The following ELOVL6 variants were observed in gnomAD, a reference collection of about 807,000 sequenced individuals.
ELOVL6 encodes the protein very long chain fatty acid elongase 6.
ELOVL6 carries 8 observed loss-of-function variants against 31.7 expected under a neutral mutation model. The observed-to-expected ratio is 0.25, with a 90% confidence interval of 0.15 to 0.45. ELOVL6 has a LOEUF of 0.45. ELOVL6 is among the 20% of genes least tolerant of loss of function. The pLI is 1.00. For missense variants in ELOVL6, 126 were observed against 326.4 expected, an observed-to-expected ratio of 0.39 and a Z score of 4.73; for synonymous variants, 101 against 117.7, an observed-to-expected ratio of 0.86 and a Z score of 0.92.
chr4:110,188,188 G>C (rs769850476), intron 1 of ELOVL6, among the ~76,000 whole-genome samples: 2 of 152,170 alleles, frequency 1.3e-5, no homozygotes, highest in Non-Finnish European at 2.9e-5. Flanking sequence ...CTAGAACCAA[G>C]CTGAGTGCAA....
At chr4:110,160,113 A>AACAC (rs59669268) in intron 1 of ELOVL6, among the ~76,000 whole-genome samples, 3 of 149,314 alleles carry the variant, frequency 2.0e-5, no homozygotes, top group East Asian at 2.0e-4. Flanking sequence ...CACACACACA[A>AACAC]ACACACACAC....
At chr4:110,105,065 T>C (rs1478167414) in intron 2 of ELOVL6, among the ~76,000 whole-genome samples, 1 of 152,176 alleles carries the variant, frequency 6.6e-6, no homozygotes, top group Non-Finnish European at 1.5e-5. Flanking sequence ...ATGTCCAGTG[T>C]CTGGTCTATG....
intron 1 of ELOVL6, among the ~76,000 whole-genome samples, chr4:110,190,905 C>T (rs1186770650): frequency 3.9e-5 from 6 of 151,964 alleles, no homozygotes; most frequent in Non-Finnish European, 8.8e-5. Flanking sequence ...CTGCAACCTC[C>T]GCCTCCAGGT....
At chr4:110,052,572 G>A (rs1356189577) in intron 3 of ELOVL6, among the ~76,000 whole-genome samples, 1 of 152,136 alleles carries the variant, frequency 6.6e-6, no homozygotes, top group Non-Finnish European at 1.5e-5. Flanking sequence ...CCCTTTGAAG[G>A]AAAAGACCAT....
At chr4:110,078,755 T>A (rs1379995340) in intron 2 of ELOVL6, among the ~76,000 whole-genome samples, 1 of 152,200 alleles carries the variant, frequency 6.6e-6, no homozygotes, top group African/African-American at 2.4e-5. Context: ...ACCTTAAATG[T>A]AAATGGGCTA....
rs1395170418 is a variant in ELOVL6 at position 110,084,134 on chromosome 4, A to G, written c.221+21363T>C. Among the ~76,000 whole-genome samples, 9 of 45,954 alleles carry G rather than the reference A, an allele frequency of 2.0e-4. 1 individual carries two copies. In the East Asian group the frequency reaches 4.8e-3, roughly 25 times the overall value. 30.1% of individuals were successfully genotyped at this position (45,954 alleles called of 152,430 possible). On this transcript the variant is annotated intron_variant, in intron 2 of 3. Transcript: ENST00000302274. ...ATGATATATATAACATATATGTGAT[A>G]ATGATATATATGATATATATAACAT... is the stretch of plus-strand genomic sequence containing the variant.
chr4:110,179,205 G>C lies in ELOVL6; in HGVS notation c.89+19042C>G, dbSNP rs147441919. On this transcript the variant is annotated intron_variant, in intron 1 of 3. Transcript: ENST00000302274. ...ATAAAATACATGTATGTAAACTTCA[G>C]AAAATAGGGCAAAAATAGGCCAGGT... Among the ~76,000 whole-genome samples the C allele has an allele frequency of 2.0e-3, 303 of 152,160 alleles. 2 individuals are homozygous for C. Among genetic ancestry groups the C allele is most frequent in the African/African-American group, 6.8e-3 (283 of 41,528 alleles).
At chr4:110,135,612 C>G (rs1264231572) in intron 1 of ELOVL6, among the ~76,000 whole-genome samples, 1 of 152,204 alleles carries the variant, frequency 6.6e-6, no homozygotes, top group Non-Finnish European at 1.5e-5. Context: ...CAGGTAAAGA[C>G]CTTAGTGGGT....
intron 2 of ELOVL6, among the ~76,000 whole-genome samples, chr4:110,090,924 T>C (rs968718568): frequency 1.3e-5 from 2 of 152,212 alleles, no homozygotes; most frequent in African/African-American, 4.8e-5. Flanking sequence ...TTTCATACTT[T>C]AGAAATTCAG....
intron 1 of ELOVL6, among the ~76,000 whole-genome samples, chr4:110,156,055 C>T (rs1262118062): frequency 6.6e-6 from 1 of 152,150 alleles, no homozygotes; most frequent in African/African-American, 2.4e-5. Context: ...GCTTTCCTTT[C>T]TTTAAATACC....
At chr4:110,108,384 A>T (rs1396927288) in intron 1 of ELOVL6, among the ~76,000 whole-genome samples, 1 of 152,180 alleles carries the variant, frequency 6.6e-6, no homozygotes, top group African/African-American at 2.4e-5. Context: ...GAACCAAGAA[A>T]AGAACAAAAA....
chr4:110,084,505 A>G (rs1756157003), intron 2 of ELOVL6, among the ~76,000 whole-genome samples: 1 of 70,446 alleles, frequency 1.4e-5, no homozygotes, highest in Admixed American at 1.6e-4. Flanking sequence ...CATATATATC[A>G]TATATGTGTA....
chr4:110,169,868 G>A (rs1243678768), intron 1 of ELOVL6, among the ~76,000 whole-genome samples: 3 of 146,676 alleles, frequency 2.0e-5, no homozygotes, highest in African/African-American at 7.6e-5. Flanking sequence ...GCAATGGTGC[G>A]ATCTCAGCTC....
chr4:110,153,319 A>G (rs1758332423), intron 1 of ELOVL6, among the ~76,000 whole-genome samples: 2 of 152,192 alleles, frequency 1.3e-5, no homozygotes, highest in Non-Finnish European at 2.9e-5. Flanking sequence ...ACATAATTTA[A>G]TTTTTTGCTC....
At chr4:110,143,944 C>T (rs1248712001) in intron 1 of ELOVL6, among the ~76,000 whole-genome samples, 2 of 151,032 alleles carry the variant, frequency 1.3e-5, no homozygotes, top group African/African-American at 4.9e-5. Flanking sequence ...ATCCCAGCTA[C>T]TCGGGAGGCT....
chr4:110,062,859 C>A (rs567582693), intron 2 of ELOVL6, among the ~76,000 whole-genome samples: 1 of 152,264 alleles, frequency 6.6e-6, no homozygotes, highest in East Asian at 1.9e-4. Flanking sequence ...TATAATTAGC[C>A]AAGTTACTGA....
Position 110,198,288 on chromosome 4 carries a change from C to G in ELOVL6, c.48G>C (p.Gln16His). The G allele has an allele frequency of 6.2e-7, 1 of 1,612,850 alleles. No individual in the cohort carries two copies. The highest frequency in any genetic ancestry group is 8.5e-7 in the Non-Finnish European group (1 of 1,178,796). Residue 16 changes from glutamine (Q) to histidine (H), a missense_variant, in exon 1 of 4, where the codon CAG (glutamine) becomes CAC (histidine). By Grantham distance (24) the Gln-to-His change is conservative. Transcript: ENST00000302274. ...ATTGGATGGCTTCATTCTCGTTGAA[C>G]TGCTTTTCGAATTCATATTCTTGTA... ...LTLQEYEFEK[Q>H]FNENEAIQWM... is the part of the protein sequence containing the mutation.
At chr4:110,084,205 A>C (rs1465329268) in intron 2 of ELOVL6, among the ~76,000 whole-genome samples, 2 of 77,484 alleles carry the variant, frequency 2.6e-5, no homozygotes, top group Non-Finnish European at 4.7e-5. Flanking sequence ...TATATGATAT[A>C]TATAACATAT....
chr4:110,185,890 T>G (rs1408309645), intron 1 of ELOVL6, among the ~76,000 whole-genome samples: 1 of 152,014 alleles, frequency 6.6e-6, no homozygotes, highest in Non-Finnish European at 1.5e-5. Flanking sequence ...AAGAGAAGAA[T>G]AAGAAAATGA....
Sources: gnomAD v4.1 joint callset for allele counts (sites outside exome capture counted in the v4.1 genomes callset) on GRCh38, gnomAD v4.1.1 for gene constraint, MANE v1.5 for transcripts, NCBI Gene and HGNC (gene_info 2026-07-23, HGNC 2026-07-21) for gene names.